The following FAF1 variants were observed in gnomAD, a reference collection of about 807,000 sequenced individuals.
FAF1 encodes the protein Fas associated factor 1.
In FAF1, 25 loss-of-function variants were observed where a neutral mutation model predicts 92.5. The ratio of observed to expected loss-of-function variants is 0.27; its 90% CI spans 0.20 to 0.38. FAF1 has a LOEUF of 0.38. Among genes scored for constraint, FAF1 ranks in the 10% least tolerant of loss-of-function variants. FAF1 has a pLI of 1.00. For synonymous variants in FAF1, 234 were observed against 273.2 expected (o/e 0.86, Z 1.42); for missense variants, 636 against 793.3 (o/e 0.80, Z 2.38).
chr1:50,918,189 T>A (rs962498534), intron 1 of FAF1, among the ~76,000 whole-genome samples: 13 of 147,824 alleles, frequency 8.8e-5, no homozygotes, highest in African/African-American at 1.8e-4. Flanking sequence ...TTTTTTTTTT[T>A]AATTTTTTTT....
rs1651036817 is a variant in FAF1 at position 50,582,492 on chromosome 1, G to A, written c.1113+126C>T. 1.2e-5 allele frequency: 8 copies of A among 643,476 alleles called. 1 individual carries two copies. The Admixed American group carries it at 1.3e-4, about 11-fold the overall frequency. The allele number at this position is 643,476 out of a possible 1,614,324, so 39.9% of individuals were successfully genotyped here. A position where few individuals can be genotyped will look rare whatever the true frequency, so the allele number is the denominator to read the frequency against. Reference sequence around the variant, plus strand: ...ATGCACAATGATGACATACAAATTCGTGAAGAGTTCCATGTTTTTGGAAAA... The same window carrying A: ...ATGCACAATGATGACATACAAATTCATGAAGAGTTCCATGTTTTTGGAAAA... On this transcript the variant is annotated intron_variant, in intron 12 of 18. Transcript: ENST00000396153.
chr1:50,806,058 T>C (rs569004879), intron 2 of FAF1, among the ~76,000 whole-genome samples: 1 of 152,224 alleles, frequency 6.6e-6, no homozygotes, highest in South Asian at 2.1e-4. Flanking sequence ...CTTTGAAAGA[T>C]ACCATTAAGA....
chr1:50,953,949 CATTT>C (rs1645242489), intron 1 of FAF1, among the ~76,000 whole-genome samples: 1 of 150,530 alleles, frequency 6.6e-6, no homozygotes, highest in Non-Finnish European at 1.5e-5. Flanking sequence ...AGAAAGAATA[CATTT>C]TTTTTTTTTA....
At chr1:50,850,487 T>C (rs1266624518) in intron 2 of FAF1, among the ~76,000 whole-genome samples, 1 of 152,178 alleles carries the variant, frequency 6.6e-6, no homozygotes, top group Non-Finnish European at 1.5e-5. Flanking sequence ...ACCACATAGA[T>C]AAATTTTAAA....
intron 4 of FAF1, among the ~76,000 whole-genome samples, chr1:50,769,808 T>C (rs1045655528): frequency 2.6e-5 from 4 of 152,136 alleles, no homozygotes; most frequent in African/African-American, 4.8e-5. Flanking sequence ...CCCAGCACTT[T>C]GGGAAGCCAA....
At chr1:50,646,707 C>T (rs898633491) in intron 8 of FAF1, among the ~76,000 whole-genome samples, 1 of 152,150 alleles carries the variant, frequency 6.6e-6, no homozygotes, top group African/African-American at 2.4e-5. Context: ...CTTCAGTTGT[C>T]ATTGTTTATA....
intron 8 of FAF1, among the ~76,000 whole-genome samples, chr1:50,617,537 G>A (rs1002381108): frequency 4.6e-5 from 7 of 152,098 alleles, no homozygotes; most frequent in South Asian, 2.1e-4. Flanking sequence ...AGGTGCTTCC[G>A]GATTCAGTTT....
In FAF1 at chr1:50,808,452, G is replaced by A. The variant is rs193234167; in HGVS notation, c.115-6775C>T. 1.2e-4 allele frequency among the ~76,000 whole-genome samples: 18 copies of A among 151,996 alleles called. No homozygotes were observed. In the East Asian group the frequency reaches 3.3e-3, roughly 28 times the overall value. Reference sequence around the variant, plus strand: ...AATGGGTTAATGCCCTAATTAAAAGGCACAGACTGGCAAGTTGGATAAGGA... The same window carrying A: ...AATGGGTTAATGCCCTAATTAAAAGACACAGACTGGCAAGTTGGATAAGGA... On this transcript the variant is annotated intron_variant, in intron 2 of 18. Coordinates refer to ENST00000396153, the MANE Select transcript of FAF1 (RefSeq NM_007051.3).
intron 15 of FAF1, among the ~76,000 whole-genome samples, chr1:50,515,190 A>G (rs1313173279): frequency 4.6e-5 from 7 of 152,130 alleles, no homozygotes; most frequent in Non-Finnish European, 1.0e-4. Context: ...AGGGTCTATT[A>G]TGGTTTAGTC....
intron 4 of FAF1, among the ~76,000 whole-genome samples, chr1:50,751,686 T>G (rs531135141): frequency 6.6e-5 from 10 of 152,356 alleles, no homozygotes; most frequent in Non-Finnish European, 1.3e-4. Context: ...TTGGCTATGA[T>G]GTATACTATA....
intron 8 of FAF1, among the ~76,000 whole-genome samples, chr1:50,632,443 G>A (rs1179672368): frequency 1.3e-5 from 2 of 152,126 alleles, no homozygotes; most frequent in Non-Finnish European, 2.9e-5. Flanking sequence ...CCATATGCTT[G>A]TTCATCAATA....
chr1:50,534,667 T>C (rs1648374253), intron 15 of FAF1, among the ~76,000 whole-genome samples: 1 of 152,222 alleles, frequency 6.6e-6, no homozygotes, highest in Non-Finnish European at 1.5e-5. Context: ...AGTGTCTATT[T>C]ACTGCCATAA....
intron 15 of FAF1, among the ~76,000 whole-genome samples, chr1:50,497,326 A>G (rs564291471): frequency 6.6e-6 from 1 of 152,156 alleles, no homozygotes; most frequent in East Asian, 1.9e-4. Context: ...CAGTGAAAAT[A>G]TTTTTCAAAA....
intron 13 of FAF1, among the ~76,000 whole-genome samples, chr1:50,558,311 G>A (rs1649697226): frequency 6.6e-6 from 1 of 152,078 alleles, no homozygotes; most frequent in African/African-American, 2.4e-5. Context: ...TATAAAAACT[G>A]TATGTTCTAA....
intron 3 of FAF1, among the ~76,000 whole-genome samples, chr1:50,799,063 C>T (rs1048630906): frequency 1.3e-5 from 2 of 152,116 alleles, no homozygotes; most frequent in South Asian, 4.1e-4. Context: ...CTGCCAGCCT[C>T]GGCCTCCCAA....
chr1:50,630,043 C>G (rs373791397), intron 8 of FAF1, among the ~76,000 whole-genome samples: 1 of 149,814 alleles, frequency 6.7e-6, no homozygotes, highest in Non-Finnish European at 1.5e-5. Context: ...GGCGACAGAG[C>G]GAGCCTCTGT....
intron 8 of FAF1, among the ~76,000 whole-genome samples, chr1:50,632,579 A>G (rs1279762553): frequency 6.6e-6 from 1 of 152,192 alleles, no homozygotes; most frequent in African/African-American, 2.4e-5. Context: ...TTACATTTAC[A>G]CTTTAGGGGT....
intron 15 of FAF1, among the ~76,000 whole-genome samples, chr1:50,521,246 G>C (rs1398602089): frequency 6.6e-6 from 1 of 151,984 alleles, no homozygotes. Flanking sequence ...TAGTAAACAA[G>C]GTAAAGGTAC....
intron 7 of FAF1, among the ~76,000 whole-genome samples, chr1:50,689,463 G>A (rs953875579): frequency 6.6e-6 from 1 of 152,028 alleles, no homozygotes; most frequent in Non-Finnish European, 1.5e-5. Context: ...AGGCACCTGC[G>A]GTCCGGACTG....
Sources: gnomAD v4.1 joint callset for allele counts (sites outside exome capture counted in the v4.1 genomes callset) on GRCh38, gnomAD v4.1.1 for gene constraint, MANE v1.5 for transcripts, NCBI Gene and HGNC (gene_info 2026-07-23, HGNC 2026-07-21) for gene names.